FAT3: variants seen among roughly 807,000 people sequenced by gnomAD.
FAT3 encodes the protein FAT atypical cadherin 3, also known as protocadherin Fat 3.
FAT3 carries 95 observed loss-of-function variants against 310.2 expected under a neutral mutation model. The observed-to-expected ratio is 0.31, with a 90% CI of 0.26 to 0.36. The LOEUF is 0.36. Ranked by LOEUF, FAT3 falls within the 10% of genes least tolerant of loss-of-function variation. FAT3 has a pLI of 1.00. For missense variants in FAT3, 5,408 were observed against 5,715.6 expected (o/e 0.95, Z 1.74); for synonymous variants, 2,314 against 2,192.9 (o/e 1.06, Z -1.54).
intron 1 of FAT3, among the ~76,000 whole-genome samples, chr11:92,286,196 A>G (rs145591442): frequency 0.013 from 2,022 of 152,246 alleles, 48 homozygotes; most frequent in African/African-American, 0.045. Flanking sequence ...TCATTCTGGC[A>G]GTTGATTTAT....
At chr11:92,492,663 C>A (rs1253514186) in intron 2 of FAT3, among the ~76,000 whole-genome samples, 1 of 151,998 alleles carries the variant, frequency 6.6e-6, no homozygotes, top group African/African-American at 2.4e-5. Flanking sequence ...CTCTCCAGCC[C>A]AACATAATTG....
intron 26 of FAT3, 131 bp from the exon 27 acceptor site, chr11:92,889,725 A>G (rs1949873996): frequency 4.7e-6 from 3 of 633,622 alleles, no homozygotes; most frequent in Admixed American, 5.2e-5. Context: ...AAGAAATAAA[A>G]AAGGCTAAAC....
chr11:92,306,754 A>AATAT (rs1219695189), intron 1 of FAT3, among the ~76,000 whole-genome samples: 2 of 127,806 alleles, frequency 1.6e-5, no homozygotes, highest in African/African-American at 5.9e-5. Flanking sequence ...AATATATATA[A>AATAT]ATATATATAT....
At chr11:92,623,673 G>T (rs1164744962) in intron 3 of FAT3, among the ~76,000 whole-genome samples, 1 of 152,210 alleles carries the variant, frequency 6.6e-6, no homozygotes, top group African/African-American at 2.4e-5. Flanking sequence ...GCTGGGCATG[G>T]TGTCTCATAC....
intron 4 of FAT3, among the ~76,000 whole-genome samples, chr11:92,756,988 G>A (rs1475503518): frequency 2.8e-5 from 4 of 144,080 alleles, no homozygotes; most frequent in Middle Eastern, 3.7e-3. Context: ...GCAGTGGCGC[G>A]ATCTCAGCTC....
At chr11:92,525,018 T>G in intron 3 of FAT3, 70 bp downstream of exon 3, 1 of 1,249,068 alleles carries the variant, frequency 8.0e-7, no homozygotes, top group Non-Finnish European at 1.1e-6. Flanking sequence ...CCTGACACTT[T>G]CTGTACTCAT....
intron 3 of FAT3, among the ~76,000 whole-genome samples, chr11:92,532,480 C>T (rs1056153728): frequency 6.6e-6 from 1 of 152,116 alleles, no homozygotes; most frequent in African/African-American, 2.4e-5. Flanking sequence ...AGAAGAAATC[C>T]AAAGCTGCCT....
At chr11:92,862,313 C>G (rs749452764) in intron 21 of FAT3, among the ~76,000 whole-genome samples, 2 of 152,062 alleles carry the variant, frequency 1.3e-5, no homozygotes, top group Admixed American at 6.6e-5. Context: ...ACATGGCATT[C>G]TTTTTCAAAG....
At chr11:92,550,388 T>G (rs900746721) in intron 3 of FAT3, among the ~76,000 whole-genome samples, 5 of 152,194 alleles carry the variant, frequency 3.3e-5, no homozygotes, top group Admixed American at 1.3e-4. Flanking sequence ...ATTTTGTAAT[T>G]TATTTTGCAG....
At chr11:92,782,223 G>A (rs1946772517) in intron 7 of FAT3, among the ~76,000 whole-genome samples, 1 of 152,102 alleles carries the variant, frequency 6.6e-6, no homozygotes. Context: ...CTACTCAAGT[G>A]GCTGAGGCAG....
At chr11:92,576,124 G>T (rs1938471552) in intron 3 of FAT3, among the ~76,000 whole-genome samples, 1 of 152,104 alleles carries the variant, frequency 6.6e-6, no homozygotes, top group Non-Finnish European at 1.5e-5. Flanking sequence ...CACATTTTAA[G>T]AATAGCGTCT....
chr11:92,697,645 T>C (rs1357199584), intron 4 of FAT3, among the ~76,000 whole-genome samples, 200 bp downstream of exon 4: 1 of 152,198 alleles, frequency 6.6e-6, no homozygotes, highest in East Asian at 1.9e-4. Context: ...GCCAGGGTGG[T>C]AGGGCAGCCT....
At chr11:92,323,585 CTTTTTTTTTTT>C (rs1206086265) in intron 1 of FAT3, among the ~76,000 whole-genome samples, 1 of 133,840 alleles carries the variant, frequency 7.5e-6, no homozygotes, top group African/African-American at 2.7e-5. Flanking sequence ...CTTTTTTTTT[CTTTTTTTTTTT>C]TTTTTCTGAG....
At chr11:92,502,609 C>T (rs1013517880) in intron 2 of FAT3, among the ~76,000 whole-genome samples, 29 of 152,098 alleles carry the variant, frequency 1.9e-4, no homozygotes, top group Admixed American at 6.6e-4. Context: ...CTCTATTCTG[C>T]GCTGTTTCAA....
intron 21 of FAT3, among the ~76,000 whole-genome samples, chr11:92,863,079 G>A (rs1949159321): frequency 6.6e-6 from 1 of 152,038 alleles, no homozygotes; most frequent in Non-Finnish European, 1.5e-5. Context: ...GCTATTAATG[G>A]CAGCCTTAAA....
chr11:92,865,191 A>T (rs751743212), intron 21 of FAT3, among the ~76,000 whole-genome samples: 8 of 152,246 alleles, frequency 5.3e-5, no homozygotes, highest in Non-Finnish European at 1.2e-4. Context: ...ATGCAGGATG[A>T]AGAACATGGA....
chr11:92,377,918 G>A (rs1289340282), intron 2 of FAT3, among the ~76,000 whole-genome samples: 1 of 152,164 alleles, frequency 6.6e-6, no homozygotes, highest in African/African-American at 2.4e-5. Context: ...GTACATGGGG[G>A]ATCTGTTCCA....
intron 13 of FAT3, among the ~76,000 whole-genome samples, chr11:92,822,823 A>G (rs1211548991): frequency 2.0e-5 from 3 of 152,160 alleles, no homozygotes; most frequent in African/African-American, 7.2e-5. Context: ...ACTGTTGTAA[A>G]CTTAGGGATT....
At chr11:92,327,582 G>A (rs1051755644) in intron 1 of FAT3, among the ~76,000 whole-genome samples, 2 of 152,228 alleles carry the variant, frequency 1.3e-5, no homozygotes, top group South Asian at 4.1e-4. Flanking sequence ...AGGATTATAA[G>A]ACAGTGGATT....
Sources: gnomAD v4.1 joint callset for allele counts (sites outside exome capture counted in the v4.1 genomes callset) on GRCh38, gnomAD v4.1.1 for gene constraint, MANE v1.5 for transcripts, NCBI Gene and HGNC (gene_info 2026-07-23, HGNC 2026-07-21) for gene names.